The following AGO2 variants were observed in gnomAD, a reference collection of about 807,000 sequenced individuals.
AGO2 encodes the protein protein argonaute-2.
Under a neutral mutation model 102.3 loss-of-function variants are expected in AGO2, and 5 were observed. That is an observed-to-expected ratio of 0.05 (90% CI 0.03 to 0.10). AGO2 has a LOEUF of 0.10. Among genes scored for constraint, AGO2 ranks in the 10% least tolerant of loss-of-function variants. The probability of loss-of-function intolerance (pLI) is 1.00; values close to 1 mark genes in which losing one functional copy is unlikely to be tolerated. For missense variants in AGO2, 541 were observed against 1,183.7 expected (o/e 0.46, Z 7.97); for synonymous variants, 449 against 473.1 (o/e 0.95, Z 0.66).
chr8:140,554,400 C>T (rs983267725), intron 10 of AGO2, among the ~76,000 whole-genome samples: 1 of 152,188 alleles, frequency 6.6e-6, no homozygotes, highest in African/African-American at 2.4e-5. Flanking sequence ...TGGGGTGCCA[C>T]GCAGCAGTGC....
chr8:140,599,479 G>T (rs924501544), intron 1 of AGO2, among the ~76,000 whole-genome samples: 18 of 152,304 alleles, frequency 1.2e-4, no homozygotes, highest in Admixed American at 1.2e-3. Flanking sequence ...AAGAAGAAAA[G>T]CAGGAGGGCC....
intron 8 of AGO2, among the ~76,000 whole-genome samples, chr8:140,556,763 CAA>C (rs1171200800): frequency 6.6e-6 from 1 of 152,258 alleles, no homozygotes; most frequent in Non-Finnish European, 1.5e-5. Flanking sequence ...AAGGATTTTT[CAA>C]AGAGTCGTGA....
intron 3 of AGO2, among the ~76,000 whole-genome samples, chr8:140,571,805 G>A (rs2073380712): frequency 6.6e-6 from 1 of 152,180 alleles, no homozygotes; most frequent in African/African-American, 2.4e-5. Flanking sequence ...GAGTGCAGTG[G>A]CACGATATCA....
chr8:140,568,540 C>T (rs1588465675), intron 3 of AGO2, among the ~76,000 whole-genome samples: 2 of 152,142 alleles, frequency 1.3e-5, no homozygotes, highest in Admixed American at 6.5e-5. Context: ...CGACCACACC[C>T]GCTATGCCTG....
chr8:140,575,369 C>T (rs1310907955), intron 2 of AGO2, among the ~76,000 whole-genome samples: 1 of 152,130 alleles, frequency 6.6e-6, no homozygotes, highest in East Asian at 1.9e-4. Flanking sequence ...CTGCTCTGGG[C>T]TGCCCAAGAC....
chr8:140,542,894 T>G lies in AGO2; in HGVS notation c.1839+1319A>C, dbSNP rs201107099. ...TGGCTCACGCCTGTCATCCCAGCAC[T>G]TTGGGAGGTTGAAGCAGGTGGATCA... On this transcript the variant is annotated intron_variant, in intron 14 of 18. Coordinates refer to ENST00000220592, the MANE Select transcript of AGO2 (RefSeq NM_012154.5). Among the ~76,000 whole-genome samples, 542 of 152,212 alleles carry G rather than the reference T, an allele frequency of 3.6e-3. 25 individuals carry two copies. The East Asian group carries it at 0.092, about 26-fold the overall frequency.
chr8:140,615,371 A>T (rs776685774), intron 1 of AGO2, among the ~76,000 whole-genome samples: 2 of 152,256 alleles, frequency 1.3e-5, no homozygotes, highest in Non-Finnish European at 2.9e-5. Flanking sequence ...GAGCAGACAT[A>T]GTCAGCACCC....
chr8:140,543,719 G>A (rs1026553842), intron 14 of AGO2, among the ~76,000 whole-genome samples: 6 of 152,200 alleles, frequency 3.9e-5, no homozygotes, highest in Admixed American at 6.5e-5. Flanking sequence ...GGGGCTTAAC[G>A]ACATCATTTC....
At chr8:140,544,756 G>A (rs2072868402) in intron 13 of AGO2, among the ~76,000 whole-genome samples, 2 of 152,220 alleles carry the variant, frequency 1.3e-5, no homozygotes, top group African/African-American at 2.4e-5. Context: ...CTCACTGGAT[G>A]CCAGTAGCAC....
chr8:140,549,256 G>A lies in AGO2; in HGVS notation c.1446C>T (p.Gly482=). ...AGCACGGCTGGCCCTGGATGGGCAT[G>A]CCGGCGTCTCTCGAGATCTTTCTGA... The part of the protein sequence containing the change: ...EQLRKISRDA[G]MPIQGQPCFC... Residue 482 remains glycine, a synonymous_variant, in exon 12 of 19, where the codon GGC becomes GGT. Transcript: ENST00000220592. 5 of 1,612,746 alleles carry A rather than the reference G, an allele frequency of 3.1e-6. No individual in the cohort carries two copies. The highest frequency in any genetic ancestry group is 4.2e-6 in the Non-Finnish European group (5 of 1,179,160).
At position 140,532,023 on chromosome 8, in the gene AGO2, A is replaced by G. The variant is rs773531367; in HGVS notation, c.*21T>C. 1 of 1,609,778 alleles carries G rather than the reference A, an allele frequency of 6.2e-7. No homozygotes were observed. Among genetic ancestry groups the G allele is most frequent in the Admixed American group, 1.7e-5 (1 of 59,976 alleles). On this transcript the variant is annotated 3_prime_UTR_variant, in exon 19 of 19. Coordinates refer to ENST00000220592, the MANE Select transcript of AGO2 (RefSeq NM_012154.5). ...TCTCGTGAATCCCACTCGGTACACA[A>G]TCGCTAAACACTAAAACATGTCAAG...
chr8:140,635,359 C>T (rs1447688723), intron 1 of AGO2, 126 bp downstream of exon 1: 8 of 606,100 alleles, frequency 1.3e-5, no homozygotes, highest in Middle Eastern at 8.3e-4. Context: ...CTCGCCCGCC[C>T]CCGGCCCCCG....
At chr8:140,578,856 C>A (rs1055445173) in intron 2 of AGO2, among the ~76,000 whole-genome samples, 1 of 152,260 alleles carries the variant, frequency 6.6e-6, no homozygotes, top group Non-Finnish European at 1.5e-5. Context: ...GAGCGTGTTG[C>A]TAATGCCGAG....
intron 17 of AGO2, 33 bp downstream of exon 17, chr8:140,535,435 A>G: frequency 6.2e-7 from 1 of 1,605,850 alleles, no homozygotes; most frequent in Non-Finnish European, 8.5e-7. Flanking sequence ...GCAGACGGCC[A>G]AGACTCTGTC....
chr8:140,603,302 T>C (rs1445217033), intron 1 of AGO2, among the ~76,000 whole-genome samples: 1 of 152,212 alleles, frequency 6.6e-6, no homozygotes, highest in Non-Finnish European at 1.5e-5. Flanking sequence ...CACACCGGGC[T>C]GTGTTTGCGG....
intron 17 of AGO2, among the ~76,000 whole-genome samples, chr8:140,533,427 A>AGTGGAC (rs1442517853): frequency 6.6e-6 from 1 of 151,280 alleles, no homozygotes; most frequent in Non-Finnish European, 1.5e-5. Flanking sequence ...CAATATTGAA[A>AGTGGAC]GTGGACGTAA....
intron 3 of AGO2, among the ~76,000 whole-genome samples, chr8:140,571,770 G>A (rs2073380293): frequency 6.6e-6 from 1 of 152,166 alleles, no homozygotes; most frequent in Admixed American, 6.5e-5. Context: ...TTTTGAGACT[G>A]AGTCTCACTC....
chr8:140,616,039 T>C (rs1054306362), intron 1 of AGO2, among the ~76,000 whole-genome samples: 4 of 152,194 alleles, frequency 2.6e-5, no homozygotes, highest in Non-Finnish European at 5.9e-5. Context: ...AGGCTCACCC[T>C]CAGAGCATGT....
chr8:140,612,997 A>C (rs1390207346), intron 1 of AGO2, among the ~76,000 whole-genome samples: 1 of 151,998 alleles, frequency 6.6e-6, no homozygotes, highest in Non-Finnish European at 1.5e-5. Context: ...CAGGAGATCG[A>C]CACCATCCTG....
Sources: allele counts gnomAD v4.1 joint callset (sites outside exome capture counted in the v4.1 genomes callset), GRCh38; gene constraint gnomAD v4.1.1; transcripts MANE v1.5; gene names NCBI Gene and HGNC (gene_info 2026-07-23, HGNC 2026-07-21).